The following MEAK7 variants were observed in gnomAD, a reference collection of about 807,000 sequenced individuals.
MEAK7 encodes the protein MTOR associated protein MEAK7, also known as MTOR-associated protein MEAK7.
In MEAK7, 68 loss-of-function variants were observed where a neutral mutation model predicts 40.5. That is an observed-to-expected ratio of 1.68 (90% CI 1.38 to 2.06). MEAK7 has a LOEUF of 2.06. Ranked by LOEUF, MEAK7 falls within the 30% of genes most tolerant of loss-of-function variation. MEAK7 has a pLI of 0.00. For synonymous variants in MEAK7, 338 were observed against 231.9 expected (o/e 1.46, Z -4.16); for missense variants, 918 against 580.5 (o/e 1.58, Z -5.98).
At chr16:84,493,355 A>G (rs1466015765) in intron 3 of MEAK7, among the ~76,000 whole-genome samples, 4 of 152,190 alleles carry the variant, frequency 2.6e-5, no homozygotes, top group African/African-American at 9.7e-5. Flanking sequence ...GGTTCCGATA[A>G]CTTCAGAGAT....
chr16:84,490,653 G>GGTGTGTGTGGT (rs571630201), intron 3 of MEAK7, among the ~76,000 whole-genome samples: 3 of 104,432 alleles, frequency 2.9e-5, no homozygotes, highest in African/African-American at 4.1e-5. Context: ...AGCTAATCAA[G>GGTGTGTGTGGT]ATGTGTGTGT....
chr16:84,496,125 T>C (rs1238441788), intron 2 of MEAK7, among the ~76,000 whole-genome samples: 1 of 152,146 alleles, frequency 6.6e-6, no homozygotes, highest in Non-Finnish European at 1.5e-5. Flanking sequence ...AGAAACTGGG[T>C]CCACCCACCA....
intron 3 of MEAK7, among the ~76,000 whole-genome samples, chr16:84,490,008 A>T (rs1245380835): frequency 6.6e-6 from 1 of 152,166 alleles, no homozygotes; most frequent in South Asian, 2.1e-4. Flanking sequence ...TTTGTCTTAA[A>T]AATTCTCCTG....
chr16:84,504,112 C>T, intron 1 of MEAK7: 1 of 985,468 alleles, frequency 1.0e-6, no homozygotes, highest in Non-Finnish European at 1.2e-6. Flanking sequence ...GTGCTGGCCA[C>T]CTACATGGCC....
At chr16:84,484,481 A>G (rs901429869) in intron 5 of MEAK7, among the ~76,000 whole-genome samples, 1 of 152,232 alleles carries the variant, frequency 6.6e-6, no homozygotes, top group African/African-American at 2.4e-5. Flanking sequence ...CCTGTGTTCA[A>G]TCCAAAGCCT....
Position 84,479,813 on chromosome 16 carries a change from C to A in MEAK7, c.*100G>T, listed in dbSNP as rs1597915305. The A allele has an allele frequency of 5.8e-6, 5 of 865,938 alleles. No individual in the cohort carries two copies. Among genetic ancestry groups the A allele is most frequent in the Non-Finnish European group, 6.9e-6 (4 of 579,668 alleles). The allele number at this position is 865,938 out of a possible 1,614,324, so 53.6% of individuals were successfully genotyped here. A position where few individuals can be genotyped will look rare whatever the true frequency, so the allele number is the denominator to read the frequency against. On this transcript the variant is annotated 3_prime_UTR_variant, in exon 8 of 8. Transcript: ENST00000343629. ...ACCAGGCTGTGACCCGTGCGGTACGCTATTACAGTTAAACCATGTGGGAGG... is the reference window on the plus strand; with the variant it reads ...ACCAGGCTGTGACCCGTGCGGTACGATATTACAGTTAAACCATGTGGGAGG...
At chr16:84,491,384 C>CA (rs1403977646) in intron 3 of MEAK7, among the ~76,000 whole-genome samples, 1 of 152,034 alleles carries the variant, frequency 6.6e-6, no homozygotes, top group Non-Finnish European at 1.5e-5. Flanking sequence ...ACTAAAAATA[C>CA]AAAAATTAAC....
At chr16:84,480,422 G>A in intron 7 of MEAK7, 107 bp downstream of exon 7, 1 of 1,330,764 alleles carries the variant, frequency 7.5e-7, no homozygotes, top group Non-Finnish European at 1.0e-6. Flanking sequence ...TCAAATTTGG[G>A]ATAAACTATC....
intron 3 of MEAK7, among the ~76,000 whole-genome samples, chr16:84,493,970 G>C (rs963407416): frequency 1.3e-5 from 2 of 152,134 alleles, no homozygotes; most frequent in South Asian, 4.1e-4. Context: ...ATTCACCCAA[G>C]TCACATGGGT....
chr16:84,481,962 C>A (rs940294494), intron 6 of MEAK7, among the ~76,000 whole-genome samples: 6 of 152,064 alleles, frequency 3.9e-5, no homozygotes, highest in African/African-American at 1.4e-4. Flanking sequence ...AAAGAGCTTT[C>A]TGTCAAGCAG....
rs1430124450 is a variant in MEAK7 at position 84,495,678 on chromosome 16, A to G, written c.384+5T>C. Reference sequence around the variant, plus strand: ...AGGCTGCAAAGGACCTCGCGGCCTCACTACCTTTTGGACTTCTCTGGCCTT... The same window carrying G: ...AGGCTGCAAAGGACCTCGCGGCCTCGCTACCTTTTGGACTTCTCTGGCCTT... On this transcript the variant is annotated splice_donor_5th_base_variant and intron_variant, in intron 3 of 7. Transcript: ENST00000343629. The G allele has an allele frequency of 1.2e-6, 2 of 1,613,966 alleles. No homozygotes were observed. Among genetic ancestry groups the G allele is most frequent in the Non-Finnish European group, 1.7e-6 (2 of 1,179,968 alleles).
chr16:84,485,850 T>A (rs1334184410), intron 5 of MEAK7, among the ~76,000 whole-genome samples: 1 of 151,998 alleles, frequency 6.6e-6, no homozygotes, highest in Non-Finnish European at 1.5e-5. Flanking sequence ...CCCATCTAAT[T>A]TGTGTACTTT....
In MEAK7 at chr16:84,492,802, G is replaced by C. The variant is rs569792607; in HGVS notation, c.384+2881C>G. Among the ~76,000 whole-genome samples the C allele has an allele frequency of 2.0e-3, 310 of 152,156 alleles. 1 individual carries two copies. The highest frequency in any genetic ancestry group is 3.8e-3 in the Admixed American group (58 of 15,288). On this transcript the variant is annotated intron_variant, in intron 3 of 7. Transcript: ENST00000343629. The stretch of plus-strand genomic sequence containing the variant: ...TCACCATGTTAGCGAGGCTGGTCTT[G>C]AACTCTTGACCTCAGATAATCCACC...
rs1914748419 is a variant in MEAK7, at chr16:84,504,587, G to C, written c.-26+14C>G. On this transcript the variant is annotated intron_variant, in intron 1 of 7. Transcript: ENST00000343629. ...CTGGGTCAGCTCACTGCGAACCTCA[G>C]CCCAGGTACCTACCCTGCCGGGCTT... 3.0e-6 allele frequency: 3 copies of C among 985,716 alleles called. No homozygotes were observed. Among genetic ancestry groups the C allele is most frequent in the Non-Finnish European group, 2.4e-6 (2 of 830,122 alleles). 61.1% of individuals were successfully genotyped at this position (985,716 alleles called of 1,614,324 possible). A position where few individuals can be genotyped will look rare whatever the true frequency, so the allele number is the denominator to read the frequency against.
intron 7 of MEAK7, among the ~76,000 whole-genome samples, chr16:84,480,313 C>T (rs780141342): frequency 6.6e-6 from 1 of 152,120 alleles, no homozygotes; most frequent in Non-Finnish European, 1.5e-5. Flanking sequence ...CTTGGGGAAC[C>T]CCCCTTCCCA....
In MEAK7 at chr16:84,477,057, A is replaced by C. The variant is rs1912141832; in HGVS notation, c.*2856T>G. On this transcript the variant is annotated 3_prime_UTR_variant, in exon 8 of 8. Transcript: ENST00000343629. Reference sequence around the variant, plus strand: ...CAGGCATGTGTTACCATGCCTGGTTAATTTTCGTATTTTTTTTTGTAGAGA... The same window carrying C: ...CAGGCATGTGTTACCATGCCTGGTTCATTTTCGTATTTTTTTTTGTAGAGA... 1 of 151,976 alleles carries C rather than the reference A, an allele frequency of 6.6e-6. No individual in the cohort carries two copies. Among genetic ancestry groups the C allele is most frequent in the African/African-American group, 2.4e-5 (1 of 41,310 alleles). 9.4% of individuals were successfully genotyped at this position (151,976 alleles called of 1,614,324 possible). A position where few individuals can be genotyped will look rare whatever the true frequency, so the allele number is the denominator to read the frequency against.
intron 4 of MEAK7, chr16:84,487,304 T>C: frequency 2.1e-6 from 1 of 480,716 alleles, no homozygotes; most frequent in Non-Finnish European, 3.7e-6. Context: ...AAAATTGTAT[T>C]TAGGACATAT....
At chr16:84,488,977 A>G (rs914332105) in intron 4 of MEAK7, among the ~76,000 whole-genome samples, 6 of 152,210 alleles carry the variant, frequency 3.9e-5, no homozygotes, top group African/African-American at 1.2e-4. Context: ...AAAATTAATG[A>G]AACTAAAAGC....
chr16:84,482,029 T>C (rs1360294302), intron 6 of MEAK7, among the ~76,000 whole-genome samples: 1 of 152,152 alleles, frequency 6.6e-6, no homozygotes, highest in Non-Finnish European at 1.5e-5. Context: ...TCGGCGTGGA[T>C]GCTGCCCCAA....
Sources: allele counts gnomAD v4.1 joint callset (sites outside exome capture counted in the v4.1 genomes callset), GRCh38; gene constraint gnomAD v4.1.1; transcripts MANE v1.5; gene names NCBI Gene and HGNC (gene_info 2026-07-23, HGNC 2026-07-21).